The following GMPR variants were observed in gnomAD, a reference collection of about 807,000 sequenced individuals.
The protein encoded by GMPR is guanosine monophosphate reductase.
A neutral mutation model predicts 38.4 loss-of-function variants in GMPR; 31 were observed. The observed-to-expected ratio is 0.81, with a 90% CI of 0.61 to 1.09. GMPR has a LOEUF of 1.09. Ranked by LOEUF, GMPR falls within the 50% of genes least tolerant of loss-of-function variation. The pLI is 0.00. For synonymous variants in GMPR, 162 were observed against 173.3 expected, an observed-to-expected ratio of 0.93 and a Z score of 0.51; for missense variants, 468 against 453.7, an observed-to-expected ratio of 1.03 and a Z score of -0.29.
chr6:16,265,793 C>T (rs542076740), intron 4 of GMPR, among the ~76,000 whole-genome samples: 15 of 151,788 alleles, frequency 9.9e-5, no homozygotes, highest in East Asian at 1.9e-4. Flanking sequence ...GGAGCCAGCC[C>T]GGATAACCCA....
chr6:16,290,531 T>C lies in GMPR; in HGVS notation c.767T>C (p.Phe256Ser), dbSNP rs959784923. The C allele has an allele frequency of 6.2e-7, 1 of 1,613,930 alleles. No homozygotes were observed. The change falls in exon 8 of 9, where the codon TTT becomes TCT. Residue 256 changes from phenylalanine (F) to serine (S), a missense_variant. Coordinates refer to ENST00000259727, the MANE Select transcript of GMPR (RefSeq NM_006877.4). ...CATACGGAGTGTGCTGGAGAAGTGT[T>C]TGAGAGGAACGGACGGAAGCTCAAG... ...SGHTECAGEV[F>S]ERNGRKLKLF...
At chr6:16,261,825 T>G (rs1383977765) in intron 4 of GMPR, among the ~76,000 whole-genome samples, 2 of 151,730 alleles carry the variant, frequency 1.3e-5, no homozygotes, top group Non-Finnish European at 2.9e-5. Flanking sequence ...AGAGGTATCT[T>G]ATATTTGTGG....
chr6:16,292,218 C>CT (rs1258733326), intron 8 of GMPR, among the ~76,000 whole-genome samples: 1 of 151,924 alleles, frequency 6.6e-6, no homozygotes, highest in Non-Finnish European at 1.5e-5. Flanking sequence ...TTTTGAGGAC[C>CT]TGGGATTCAG....
intron 4 of GMPR, chr6:16,259,148 G>A (rs1759033643): frequency 6.6e-6 from 1 of 152,052 alleles, no homozygotes; most frequent in Non-Finnish European, 1.5e-5. Flanking sequence ...CGTTTTATAG[G>A]ATTTGGGTAG....
chr6:16,278,741 A>G lies in GMPR; in HGVS notation c.548-43A>G, dbSNP rs112464570. The G allele has an allele frequency of 2.2e-3, 2,864 of 1,312,856 alleles. 50 individuals carry two copies. In the African/African-American group the frequency reaches 0.035, roughly 16 times the overall value. The allele number at this position is 1,312,856 out of a possible 1,614,324, so 81.3% of individuals were successfully genotyped here. On this transcript the variant is annotated intron_variant, in intron 5 of 8. Transcript: ENST00000259727. The stretch of plus-strand genomic sequence containing the variant: ...ACGCATTTCATGTCACAGTCTTCTC[A>G]TGTATAACCATCTATTTGGGGACAA...
In GMPR at chr6:16,267,216, G is replaced by A. The variant is rs1332947723; in HGVS notation, c.466-7199G>A. ...ATCTCTACTAAAAGTACAAAAAAAA[G>A]AAAAAATTAGTCGGGTGCAGTGGCG... On this transcript the variant is annotated intron_variant, in intron 4 of 8. Transcript: ENST00000259727. 3.3e-5 allele frequency among the ~76,000 whole-genome samples: 5 copies of A among 151,946 alleles called. No individual in the cohort carries two copies. The East Asian group carries it at 7.8e-4, about 24-fold the overall frequency.
intron 2 of GMPR, among the ~76,000 whole-genome samples, chr6:16,249,835 A>G (rs1212075984): frequency 1.3e-5 from 2 of 152,248 alleles, no homozygotes. Flanking sequence ...AGCACAAGAG[A>G]AAGCTTTCAG....
At chr6:16,266,698 C>G (rs1422668435) in intron 4 of GMPR, among the ~76,000 whole-genome samples, 1 of 151,526 alleles carries the variant, frequency 6.6e-6, no homozygotes, top group Non-Finnish European at 1.5e-5. Flanking sequence ...GTAGTCCCAG[C>G]TACTCGGGAG....
intron 4 of GMPR, among the ~76,000 whole-genome samples, chr6:16,268,268 T>C (rs1477881438): frequency 6.6e-6 from 1 of 152,222 alleles, no homozygotes; most frequent in African/African-American, 2.4e-5. Context: ...GGGCAGGTAG[T>C]GGGACATTTT....
rs1036136941 is a variant in GMPR at position 16,277,655 on chromosome 6, A to G, written c.548-1129A>G. 5.3e-5 allele frequency among the ~76,000 whole-genome samples: 8 copies of G among 152,294 alleles called. 1 individual carries two copies. The South Asian group carries it at 1.5e-3, about 28-fold the overall frequency. On this transcript the variant is annotated intron_variant, in intron 5 of 8. Transcript: ENST00000259727. ...ACAACAGCGAATGTCCACGGAGCCG[A>G]CCACCCAGTACAGAAGACAGACCCT...
At position 16,261,440 on chromosome 6, in the gene GMPR, G is replaced by T. The variant is rs577146879; in HGVS notation, c.465+6705G>T. 6.6e-5 allele frequency among the ~76,000 whole-genome samples: 10 copies of T among 152,068 alleles called. No homozygotes were observed. The East Asian group carries it at 9.6e-4, about 15-fold the overall frequency. ...AAGTGAAAGCGAAGAGAGGCTAGGA[G>T]GACAGGTGCAAAGGAATAGTAAAGA... is the stretch of plus-strand genomic sequence containing the variant. On this transcript the variant is annotated intron_variant, in intron 4 of 8. Transcript: ENST00000259727.
chr6:16,262,746 T>C (rs951117080), intron 4 of GMPR: 3 of 152,046 alleles, frequency 2.0e-5, no homozygotes, highest in African/African-American at 7.2e-5. Flanking sequence ...GGTCTAGGGC[T>C]GTAAAGCGTC....
At chr6:16,246,545 A>G (rs1203338294) in intron 1 of GMPR, among the ~76,000 whole-genome samples, 2 of 152,106 alleles carry the variant, frequency 1.3e-5, no homozygotes, top group African/African-American at 2.4e-5. Flanking sequence ...TGGTTTCTAT[A>G]GGGCTTGCGG....
intron 2 of GMPR, among the ~76,000 whole-genome samples, chr6:16,248,740 C>T (rs1758807362): frequency 6.6e-6 from 1 of 152,178 alleles, no homozygotes; most frequent in South Asian, 2.1e-4. Flanking sequence ...CACCCTTTCC[C>T]TGCTCTGCTC....
chr6:16,266,077 GA>G (rs1759203713), intron 4 of GMPR, among the ~76,000 whole-genome samples: 1 of 151,518 alleles, frequency 6.6e-6, no homozygotes, highest in South Asian at 2.1e-4. Context: ...AACAACTCCC[GA>G]CGGGCTACCT....
chr6:16,253,721 G>C (rs1480224383), intron 3 of GMPR, among the ~76,000 whole-genome samples: 1 of 152,166 alleles, frequency 6.6e-6, no homozygotes, highest in East Asian at 1.9e-4. Context: ...AAATAGGTAA[G>C]AGTTTTTCAG....
At chr6:16,243,566 C>T (rs1758694087) in intron 1 of GMPR, among the ~76,000 whole-genome samples, 1 of 152,202 alleles carries the variant, frequency 6.6e-6, no homozygotes, top group African/African-American at 2.4e-5. Flanking sequence ...TGGAAGACGT[C>T]CCTGTACTCA....
intron 6 of GMPR, among the ~76,000 whole-genome samples, chr6:16,280,595 G>A (rs183857986): frequency 2.0e-5 from 3 of 152,264 alleles, no homozygotes; most frequent in East Asian, 3.9e-4. Flanking sequence ...TTCAACTCAC[G>A]GGAGCGGCCA....
intron 6 of GMPR, among the ~76,000 whole-genome samples, chr6:16,281,723 T>G (rs1759578244): frequency 6.6e-6 from 1 of 152,010 alleles, no homozygotes; most frequent in Admixed American, 6.6e-5. Flanking sequence ...CTGGCCAGGC[T>G]GGTCTCGAAC....
Sources: allele counts gnomAD v4.1 joint callset (sites outside exome capture counted in the v4.1 genomes callset), GRCh38; gene constraint gnomAD v4.1.1; transcripts MANE v1.5; gene names NCBI Gene and HGNC (gene_info 2026-07-23, HGNC 2026-07-21).